OTOF: variants seen among roughly 807,000 people sequenced by gnomAD.
OTOF encodes the protein fer-1-like family member 2.
In OTOF, 218 loss-of-function variants were observed where a neutral mutation model predicts 236.8. That is an observed-to-expected ratio of 0.92 (90% CI 0.82 to 1.03). The LOEUF is 1.03. Ranked by LOEUF, OTOF falls within the 50% of genes least tolerant of loss-of-function variation. OTOF has a pLI of 0.00. For synonymous variants in OTOF, 1,041 were observed against 1,072.5 expected (o/e 0.97, Z 0.57); for missense variants, 2,590 against 2,694.4 (o/e 0.96, Z 0.86).
chr2:26,471,894 T>C (rs111206612), intron 30 of OTOF, among the ~76,000 whole-genome samples: 5 of 148,736 alleles, frequency 3.4e-5, no homozygotes, highest in African/African-American at 1.3e-4. Flanking sequence ...CATGCACACA[T>C]ATATGCATAT....
intron 8 of OTOF, among the ~76,000 whole-genome samples, chr2:26,497,395 C>T (rs1666014862): frequency 6.6e-6 from 1 of 152,182 alleles, no homozygotes; most frequent in African/African-American, 2.4e-5. Context: ...GAGCCCGGCA[C>T]ATTCTTCTAA....
At position 26,483,442 on chromosome 2, in the gene OTOF, T is replaced by C. The variant is rs375442028; in HGVS notation, c.1392+20A>G. ...TACCTGTCACCCAGCCCCAGCCTCC[T>C]GTACCTCATACCCCAGTACCTTCTG... On this transcript the variant is annotated intron_variant, in intron 13 of 46. Transcript: ENST00000272371. The C allele has an allele frequency of 3.7e-6, 6 of 1,612,090 alleles. No homozygotes were observed. In the African/African-American group the frequency reaches 8.0e-5, roughly 22 times the overall value.
intron 29 of OTOF, 128 bp from the exon 30 acceptor site, chr2:26,472,777 A>G (rs991998771): frequency 4.6e-5 from 44 of 948,608 alleles, no homozygotes; most frequent in Non-Finnish European, 6.5e-5. Context: ...GGGGACAGGC[A>G]GTCAAGGGAG....
chr2:26,547,392 A>G (rs1667358283), intron 1 of OTOF, among the ~76,000 whole-genome samples: 1 of 152,128 alleles, frequency 6.6e-6, no homozygotes, highest in South Asian at 2.1e-4. Flanking sequence ...GGATTTTTAC[A>G]TCTGTGTTCA....
intron 15 of OTOF, among the ~76,000 whole-genome samples, 183 bp downstream of exon 15, chr2:26,480,603 G>A (rs1454758714): frequency 6.6e-6 from 1 of 152,212 alleles, no homozygotes; most frequent in Non-Finnish European, 1.5e-5. Context: ...GGCAGTGGAC[G>A]AGGGCAGAGT....
chr2:26,544,722 AG>A (rs1489597906), intron 1 of OTOF, among the ~76,000 whole-genome samples: 1 of 152,192 alleles, frequency 6.6e-6, no homozygotes, highest in African/African-American at 2.4e-5. Context: ...GTTATGTCAC[AG>A]GATAGGTACC....
At position 26,460,300 on chromosome 2, in the gene OTOF, G is replaced by T; in HGVS notation, c.5814-95C>A. On this transcript the variant is annotated intron_variant, in intron 45 of 46. Transcript: ENST00000272371. This position sits in a 1 kb window ranked among gnomAD's most constrained non-coding sequence, Gnocchi z 5.3. ...CAAGACCAAGAGGGAAGCTGTCCTGGGCTGTGTGTGCAGTTCTAGGCACCC... is the reference window on the plus strand; with the variant it reads ...CAAGACCAAGAGGGAAGCTGTCCTGTGCTGTGTGTGCAGTTCTAGGCACCC... 2 of 1,044,536 alleles carry T rather than the reference G, an allele frequency of 1.9e-6. No individual in the cohort carries two copies. The highest frequency in any genetic ancestry group is 1.4e-6 in the Non-Finnish European group (1 of 689,838). 64.7% of individuals were successfully genotyped at this position (1,044,536 alleles called of 1,614,324 possible). A position where few individuals can be genotyped will look rare whatever the true frequency, so the allele number is the denominator to read the frequency against.
chr2:26,461,729 C>T lies in OTOF; in HGVS notation c.5500G>A (p.Asp1834Asn). The change falls in exon 43 of 47, where the codon GAT becomes AAT. Residue 1834 changes from aspartate to asparagine, a missense_variant. Physicochemically the swap from Asp to Asn is conservative, Grantham distance 23. Around this residue, in one of 2 missense-constraint regions of OTOF, gnomAD observed 1,211 missense variants for 1,352.8 expected, o/e 0.90. Transcript: ENST00000272371. This position sits in a 1 kb window ranked among gnomAD's most constrained non-coding sequence, Gnocchi z 6.2. ...IPARLTLQIW[D>N]ADHFSADDFL... ...TCGTCAGCGGAGAAGTGGTCCGCAT[C>T]CCAGATCTGCAGGGTGAGCCGCGCG... 1 of 1,614,158 alleles carries T rather than the reference C, an allele frequency of 6.2e-7. No individual in the cohort carries two copies. Among genetic ancestry groups the T allele is most frequent in the Non-Finnish European group, 8.5e-7 (1 of 1,180,030 alleles).
At position 26,474,610 on chromosome 2, in the gene OTOF, TAC is replaced by T; in HGVS notation, c.3189_3190del (p.Tyr1064LeufsTer40). On this transcript the variant is annotated frameshift_variant, in exon 26 of 47. Transcript: ENST00000272371. LOFTEE classifies it high-confidence loss of function. Reference sequence around the variant, plus strand: ...CTGAGGTGGGAAGCGGGGTGGGCAGTACGCCTCGTCTGCCATCTTCACCAGGG... The same window carrying T: ...CTGAGGTGGGAAGCGGGGTGGGCAGTGCCTCGTCTGCCATCTTCACCAGGG... 2 of 1,613,222 alleles carry T rather than the reference TAC, an allele frequency of 1.2e-6. No individual in the cohort carries two copies. The highest frequency in any genetic ancestry group is 1.7e-6 in the Non-Finnish European group (2 of 1,179,938).
chr2:26,468,369 C>T (rs530417726), intron 33 of OTOF, 39 bp downstream of exon 33: 22 of 1,524,170 alleles, frequency 1.4e-5, no homozygotes, highest in African/African-American at 5.5e-5. Context: ...CACCCAGGGG[C>T]GGGGAGGAGG....
chr2:26,552,790 A>G (rs1027133780), intron 1 of OTOF, among the ~76,000 whole-genome samples: 3 of 152,132 alleles, frequency 2.0e-5, no homozygotes, highest in African/African-American at 7.2e-5. Flanking sequence ...CGTTAGGACT[A>G]AAACAAAAGC....
chr2:26,504,646 T>C (rs779841858), intron 5 of OTOF, among the ~76,000 whole-genome samples: 3 of 152,122 alleles, frequency 2.0e-5, no homozygotes, highest in Middle Eastern at 3.2e-3. Flanking sequence ...GGCCTTGCAG[T>C]CAGCGGGGCT....
intron 39 of OTOF, 143 bp from the exon 40 acceptor site, chr2:26,464,249 G>T: frequency 9.4e-7 from 1 of 1,060,786 alleles, no homozygotes; most frequent in East Asian, 2.6e-5. Context: ...GGGAAACTGA[G>T]GCACAGAAGG....
chr2:26,472,693 A>G (rs1466591778), intron 29 of OTOF, 44 bp from the exon 30 acceptor site: 3 of 1,606,252 alleles, frequency 1.9e-6, no homozygotes, highest in Non-Finnish European at 2.6e-6. Context: ...GGAAGGAGCA[A>G]GAGGAACAGT....
chr2:26,503,849 T>C lies in OTOF; in HGVS notation c.510-4A>G. On this transcript the variant is annotated splice_region_variant and splice_polypyrimidine_tract_variant and intron_variant, in intron 5 of 46. Transcript: ENST00000272371. The stretch of plus-strand genomic sequence containing the variant: ...GGAGAACACGCTCCTCCCGGCTCTG[T>C]GAGGGGGGCCACCAGAATGAGGTGC... 1.2e-6 allele frequency: 2 copies of C among 1,613,682 alleles called. No homozygotes were observed. The highest frequency in any genetic ancestry group is 8.5e-7 in the Non-Finnish European group (1 of 1,179,662).
rs1665615561 is a variant in OTOF at position 26,483,375 on chromosome 2, C to T, written c.1392+87G>A. The stretch of plus-strand genomic sequence containing the variant: ...TGATTTCCAGCCTTGTCTTACCTGC[C>T]CAGCTGCCCCAGGCCCCACACCCAT... On this transcript the variant is annotated intron_variant, in intron 13 of 46. Transcript: ENST00000272371. 1.5e-5 allele frequency: 19 copies of T among 1,250,818 alleles called. No homozygotes were observed. In the South Asian group the frequency reaches 2.0e-4, roughly 13 times the overall value. The allele number at this position is 1,250,818 out of a possible 1,614,324, so 77.5% of individuals were successfully genotyped here. A position where few individuals can be genotyped will look rare whatever the true frequency, so the allele number is the denominator to read the frequency against.
intron 3 of OTOF, among the ~76,000 whole-genome samples, chr2:26,522,302 C>A (rs893627248): frequency 6.6e-6 from 1 of 152,104 alleles, no homozygotes; most frequent in Non-Finnish European, 1.5e-5. Flanking sequence ...AACCTTGACT[C>A]TTTCTACAGG....
intron 1 of OTOF, among the ~76,000 whole-genome samples, chr2:26,538,839 C>G (rs1272782546): frequency 7.5e-6 from 1 of 132,970 alleles, no homozygotes; most frequent in Non-Finnish European, 1.6e-5. Flanking sequence ...TTTTGAGATG[C>G]AGTCTTGCTC....
intron 8 of OTOF, among the ~76,000 whole-genome samples, chr2:26,496,774 A>G (rs1665997091): frequency 6.6e-6 from 1 of 152,090 alleles, no homozygotes; most frequent in Non-Finnish European, 1.5e-5. Flanking sequence ...CAGACCTGAC[A>G]TGTTGCCAGG....
Sources: allele counts gnomAD v4.1 joint callset (sites outside exome capture counted in the v4.1 genomes callset), GRCh38; gene constraint gnomAD v4.1.1; regional missense constraint gnomAD v4.1.1; non-coding constraint Gnocchi (gnomAD v3.1); transcripts MANE v1.5; gene names NCBI Gene and HGNC (gene_info 2026-07-23, HGNC 2026-07-21).